TTC29: variants seen among roughly 807,000 people sequenced by gnomAD.
The protein encoded by TTC29 is tetratricopeptide repeat domain 29.
TTC29 carries 49 observed loss-of-function variants against 58.1 expected under a neutral mutation model. That is an observed-to-expected ratio of 0.84 (90% CI 0.67 to 1.07). The LOEUF is 1.07. TTC29 is among the 50% of genes least tolerant of loss of function. TTC29 has a pLI of 0.00. For synonymous variants in TTC29, 209 were observed against 196.8 expected (o/e 1.06, Z -0.52); for missense variants, 582 against 555.6 (o/e 1.05, Z -0.48).
At chr4:146,754,314 GA>G (rs1746265580) in intron 11 of TTC29, among the ~76,000 whole-genome samples, 1 of 151,774 alleles carries the variant, frequency 6.6e-6, no homozygotes, top group African/African-American at 2.4e-5. Context: ...CAGAGATTTG[GA>G]TATCTTTTAA....
At chr4:146,810,876 G>C (rs1487539923) in intron 10 of TTC29, among the ~76,000 whole-genome samples, 1 of 152,004 alleles carries the variant, frequency 6.6e-6, no homozygotes, top group Non-Finnish European at 1.5e-5. Flanking sequence ...ACTATGTTTT[G>C]TTTTCAGTCA....
chr4:146,921,865 A>G (rs1480147579), intron 4 of TTC29, among the ~76,000 whole-genome samples: 1 of 151,072 alleles, frequency 6.6e-6, no homozygotes, highest in Non-Finnish European at 1.5e-5. Context: ...ATTCGTCAAA[A>G]AAAGAAATAT....
intron 8 of TTC29, among the ~76,000 whole-genome samples, chr4:146,842,668 C>T (rs917438040): frequency 5.9e-5 from 9 of 152,024 alleles, no homozygotes; most frequent in African/African-American, 1.2e-4. Flanking sequence ...ATTTTTTACC[C>T]GTTTCTTCCT....
At chr4:146,795,972 T>C (rs1460767814) in intron 11 of TTC29, among the ~76,000 whole-genome samples, 2 of 152,230 alleles carry the variant, frequency 1.3e-5, no homozygotes, top group African/African-American at 2.4e-5. Flanking sequence ...GGGTGACAGC[T>C]GAGTTCTCCA....
chr4:146,897,945 C>G (rs1335732558), intron 6 of TTC29, among the ~76,000 whole-genome samples: 1 of 152,152 alleles, frequency 6.6e-6, no homozygotes, highest in Non-Finnish European at 1.5e-5. Flanking sequence ...CCCTGGAAAA[C>G]TGAGGAGTGG....
intron 11 of TTC29, among the ~76,000 whole-genome samples, chr4:146,794,239 T>G (rs1396760517): frequency 6.6e-6 from 1 of 152,170 alleles, no homozygotes; most frequent in East Asian, 1.9e-4. Context: ...TGGCCATCTA[T>G]ATTTTTAGGG....
At chr4:146,808,150 C>T (rs1750749619) in intron 10 of TTC29, among the ~76,000 whole-genome samples, 1 of 152,134 alleles carries the variant, frequency 6.6e-6, no homozygotes, top group Non-Finnish European at 1.5e-5. Context: ...ACATGATTAT[C>T]ACAATAGATG....
At chr4:146,765,155 A>G (rs1009719924) in intron 11 of TTC29, among the ~76,000 whole-genome samples, 1 of 152,136 alleles carries the variant, frequency 6.6e-6, no homozygotes, top group Admixed American at 6.5e-5. Flanking sequence ...TTGGTCTTTT[A>G]TAACTTAAAG....
chr4:146,932,493 C>A (rs1735414140), intron 4 of TTC29, among the ~76,000 whole-genome samples: 1 of 152,098 alleles, frequency 6.6e-6, no homozygotes, highest in South Asian at 2.1e-4. Context: ...GATCTAACTT[C>A]CAATAAAGAA....
At chr4:146,773,766 G>A (rs1404031825) in intron 11 of TTC29, among the ~76,000 whole-genome samples, 1 of 151,568 alleles carries the variant, frequency 6.6e-6, no homozygotes, top group Non-Finnish European at 1.5e-5. Flanking sequence ...ATGAATAAGT[G>A]AGGAGTTCCT....
At chr4:146,734,843 G>A (rs1458271346) in intron 11 of TTC29, among the ~76,000 whole-genome samples, 3 of 151,964 alleles carry the variant, frequency 2.0e-5, no homozygotes, top group Non-Finnish European at 4.4e-5. Context: ...TATGGTTTGG[G>A]AAGAGAAAGG....
chr4:146,782,072 T>C (rs1196995778), intron 11 of TTC29, among the ~76,000 whole-genome samples: 1 of 151,820 alleles, frequency 6.6e-6, no homozygotes, highest in Admixed American at 6.6e-5. Context: ...AATGAAAACA[T>C]GGCATTTTTT....
intron 11 of TTC29, among the ~76,000 whole-genome samples, chr4:146,800,427 C>G (rs1750134879): frequency 6.6e-6 from 1 of 152,150 alleles, no homozygotes; most frequent in African/African-American, 2.4e-5. Flanking sequence ...GATCTTTGAT[C>G]TGTTTTTTTT....
chr4:146,897,566 T>C (rs1732854174), intron 6 of TTC29, among the ~76,000 whole-genome samples: 1 of 152,214 alleles, frequency 6.6e-6, no homozygotes, highest in Non-Finnish European at 1.5e-5. Flanking sequence ...GAGGGGCTGA[T>C]GTTACATCAA....
chr4:146,717,071 G>A (rs773468996), intron 11 of TTC29, among the ~76,000 whole-genome samples: 4 of 152,134 alleles, frequency 2.6e-5, no homozygotes, highest in Non-Finnish European at 4.4e-5. Flanking sequence ...GCCCATTAAA[G>A]TTTGACAATC....
chr4:146,869,747 T>A (rs993753457), intron 7 of TTC29, among the ~76,000 whole-genome samples: 6 of 152,112 alleles, frequency 3.9e-5, no homozygotes, highest in African/African-American at 1.4e-4. Flanking sequence ...AAAACATCTA[T>A]TGCTACTGAT....
intron 11 of TTC29, among the ~76,000 whole-genome samples, chr4:146,771,386 A>G (rs1356150156): frequency 1.3e-5 from 2 of 151,964 alleles, no homozygotes; most frequent in African/African-American, 4.8e-5. Context: ...TCTGATAGGT[A>G]GTTTTTCAAT....
chr4:146,720,830 T>C (rs1221848277), intron 11 of TTC29, among the ~76,000 whole-genome samples: 1 of 152,098 alleles, frequency 6.6e-6, no homozygotes, highest in Non-Finnish European at 1.5e-5. Context: ...CTGGTAGTAA[T>C]ATGGTTTATG....
At chr4:146,872,722 G>A (rs577528265) in intron 7 of TTC29, among the ~76,000 whole-genome samples, 1 of 152,086 alleles carries the variant, frequency 6.6e-6, no homozygotes, top group Middle Eastern at 3.4e-3. Context: ...GTATAATGAA[G>A]AAGATAAAAG....
Sources: allele counts gnomAD v4.1 joint callset (sites outside exome capture counted in the v4.1 genomes callset), GRCh38; gene constraint gnomAD v4.1.1; transcripts MANE v1.5; gene names NCBI Gene and HGNC (gene_info 2026-07-23, HGNC 2026-07-21).